The following BST1 variants were observed in gnomAD, a reference collection of about 807,000 sequenced individuals.
The protein encoded by BST1 is ADP-ribosyl cyclase/cyclic ADP-ribose hydrolase 2.
In BST1, 49 loss-of-function variants were observed where a neutral mutation model predicts 40.6. The observed-to-expected ratio is 1.21, with a 90% CI of 0.96 to 1.53. BST1 has a LOEUF of 1.53. BST1 is among the 40% of genes most tolerant of loss of function. BST1 has a pLI of 0.00. For missense variants in BST1, 423 were observed against 395.9 expected (o/e 1.07, Z -0.58); for synonymous variants, 157 against 159.3 (o/e 0.99, Z 0.11).
At chr4:15,754,682 A>G in the BST1 span, among the ~76,000 whole-genome samples, 10 of 152,322 alleles carry the variant, frequency 6.6e-5, no homozygotes, top group South Asian at 1.2e-3. Context: ...CCAGCGGTCC[A>G]TTTTTGTAAT....
chr4:15,747,896 C>T, the BST1 span, among the ~76,000 whole-genome samples: 11 of 152,126 alleles, frequency 7.2e-5, no homozygotes, highest in African/African-American at 2.2e-4. Context: ...AGGCTGGTCT[C>T]GAATTCCTGG....
At chr4:15,730,593 A>G (rs1450070338) in intron 8 of BST1, among the ~76,000 whole-genome samples, 1 of 152,246 alleles carries the variant, frequency 6.6e-6, no homozygotes, top group Non-Finnish European at 1.5e-5. Context: ...ATTTGTGCTT[A>G]GATAAAAGGA....
chr4:15,737,405 G>C (rs1047010834), downstream of BST1, among the ~76,000 whole-genome samples: 3 of 152,116 alleles, frequency 2.0e-5, no homozygotes, highest in Non-Finnish European at 4.4e-5. Context: ...GACATAGAAA[G>C]CTTTTCTTAC....
intron 7 of BST1, among the ~76,000 whole-genome samples, chr4:15,721,061 G>A (rs1435947114): frequency 6.6e-6 from 1 of 152,104 alleles, no homozygotes; most frequent in East Asian, 1.9e-4. Context: ...TTCTCTTCCA[G>A]GCCTGACTCA....
intron 8 of BST1, chr4:15,731,161 T>C: frequency 2.5e-6 from 1 of 403,476 alleles, no homozygotes; most frequent in Admixed American, 3.0e-5. Flanking sequence ...CATGTGGAAA[T>C]TGATTACGGA....
Position 15,707,433 on chromosome 4 carries a change from T to C in BST1, c.316-78T>C, listed in dbSNP as rs1241752595. On this transcript the variant is annotated intron_variant, in intron 2 of 8. Coordinates refer to ENST00000265016, the MANE Select transcript of BST1 (RefSeq NM_004334.3). The stretch of plus-strand genomic sequence containing the variant: ...TTGAATGAGAACTGGATTGCCCAAC[T>C]TGCCTTGATGATATTGTGCCTGAGG... 6.3e-6 allele frequency: 10 copies of C among 1,585,026 alleles called. No homozygotes were observed. In the Admixed American group the frequency reaches 1.7e-4, roughly 27 times the overall value.
chr4:15,741,078 T>C (rs935734828), downstream of BST1, among the ~76,000 whole-genome samples: 2 of 150,212 alleles, frequency 1.3e-5, no homozygotes, highest in African/African-American at 2.5e-5. Context: ...TGACAGTTTT[T>C]TTGGTATTAT....
At chr4:15,761,950 A>G in the BST1 span, among the ~76,000 whole-genome samples, 1 of 151,970 alleles carries the variant, frequency 6.6e-6, no homozygotes, top group East Asian at 1.9e-4. Context: ...CTGTAATCCC[A>G]GCACTTTGGG....
chr4:15,760,261 C>G, the BST1 span, among the ~76,000 whole-genome samples: 443 of 128,758 alleles, frequency 3.4e-3, 12 homozygotes, highest in East Asian at 0.082. Flanking sequence ...GTTAGCATTT[C>G]ATTTTTTTTT....
chr4:15,710,597 TC>T (rs1358900687), intron 3 of BST1, among the ~76,000 whole-genome samples: 1 of 152,134 alleles, frequency 6.6e-6, no homozygotes, highest in Non-Finnish European at 1.5e-5. Flanking sequence ...CATTCCCCTC[TC>T]CAGCCTCTGG....
At chr4:15,745,514 C>A in the BST1 span, among the ~76,000 whole-genome samples, 1 of 152,108 alleles carries the variant, frequency 6.6e-6, no homozygotes, top group African/African-American at 2.4e-5. Flanking sequence ...TGGTTTCTTC[C>A]AGGTAATATG....
rs116246728 is a variant in BST1 at position 15,708,040 on chromosome 4, G to A, written c.451+394G>A. ...CAAGATTAAGAAATCTGCTCAGGGGGCATAGCTAGTAAGCAGCAGACAGTC... is the reference window on the plus strand; with the variant it reads ...CAAGATTAAGAAATCTGCTCAGGGGACATAGCTAGTAAGCAGCAGACAGTC... On this transcript the variant is annotated intron_variant, in intron 3 of 8. Coordinates refer to ENST00000265016, the MANE Select transcript of BST1 (RefSeq NM_004334.3). 6.1e-3 allele frequency among the ~76,000 whole-genome samples: 923 copies of A among 152,092 alleles called. 13 individuals are homozygous for A. Among genetic ancestry groups the A allele is most frequent in the African/African-American group, 0.021 (881 of 41,492 alleles).
downstream of BST1, among the ~76,000 whole-genome samples, chr4:15,737,119 T>A (rs1453542431): frequency 6.6e-6 from 1 of 152,230 alleles, no homozygotes; most frequent in African/African-American, 2.4e-5. Context: ...GTACTCATAA[T>A]TCAATGAGCG....
In BST1 at chr4:15,703,157, G is replaced by C. The variant is rs908777440; in HGVS notation, c.13G>C (p.Gly5Arg). 3.8e-6 allele frequency: 6 copies of C among 1,576,814 alleles called. No homozygotes were observed. The highest frequency in any genetic ancestry group is 5.2e-6 in the Non-Finnish European group (6 of 1,163,148). The change falls in exon 1 of 9, where the codon GGG becomes CGG. Residue 5 changes from glycine to arginine, a missense_variant. Coordinates refer to ENST00000265016, the MANE Select transcript of BST1 (RefSeq NM_004334.3). ...CCAAAGTTCCCCGATGGCGGCCCAG[G>C]GGTGCGCGGCATCGCGGCTGCTCCA... MAAQGCAASRLLQLL... is the reference protein window; with the variant it reads MAAQRCAASRLLQLL...
intron 7 of BST1, among the ~76,000 whole-genome samples, chr4:15,720,053 G>A (rs1720728088): frequency 6.6e-6 from 1 of 152,120 alleles, no homozygotes; most frequent in South Asian, 2.1e-4. Context: ...CCCCCATTTA[G>A]TGCATACCTG....
chr4:15,708,616 C>T (rs200359322), intron 3 of BST1, among the ~76,000 whole-genome samples: 51 of 152,194 alleles, frequency 3.4e-4, no homozygotes, highest in East Asian at 2.1e-3. Flanking sequence ...TGGTAGCTCA[C>T]GCTTGTAATC....
intron 1 of BST1, 66 bp downstream of exon 1, chr4:15,703,398 G>A (rs1719656957): frequency 6.8e-7 from 1 of 1,463,374 alleles, no homozygotes; most frequent in East Asian, 2.7e-5. Context: ...CCTGGGGAGG[G>A]GAAAACTGGC....
In BST1 at chr4:15,732,066, A is replaced by G. The variant is rs1721398206; in HGVS notation, c.*221A>G. The stretch of plus-strand genomic sequence containing the variant: ...TTAAAAAATGCTGCATTAGAATTAA[A>G]GCAAGTTATTTTCTTATTTGTATAA... On this transcript the variant is annotated 3_prime_UTR_variant, in exon 9 of 9. Coordinates refer to ENST00000265016, the MANE Select transcript of BST1 (RefSeq NM_004334.3). 8.0e-7 allele frequency: 1 copy of G among 1,251,122 alleles called. No homozygotes were observed. Among genetic ancestry groups the G allele is most frequent in the Non-Finnish European group, 1.0e-6 (1 of 997,486 alleles). 77.5% of individuals were successfully genotyped at this position (1,251,122 alleles called of 1,614,324 possible). A position where few individuals can be genotyped will look rare whatever the true frequency, so the allele number is the denominator to read the frequency against.
chr4:15,725,104 G>C (rs1032869931), intron 8 of BST1, among the ~76,000 whole-genome samples: 6 of 150,458 alleles, frequency 4.0e-5, no homozygotes, highest in African/African-American at 1.5e-4. Flanking sequence ...CTAAGCCACT[G>C]TCATTTAGAC....
Sources: gnomAD v4.1 joint callset for allele counts (sites outside exome capture counted in the v4.1 genomes callset) on GRCh38, gnomAD v4.1.1 for gene constraint, MANE v1.5 for transcripts, NCBI Gene and HGNC (gene_info 2026-07-23, HGNC 2026-07-21) for gene names.